The following VGLL4 variants were observed in gnomAD, a reference collection of about 807,000 sequenced individuals.
VGLL4 encodes transcription cofactor vestigial-like protein 4.
In VGLL4, 7 loss-of-function variants were observed where a neutral mutation model predicts 21.0. The ratio of observed to expected loss-of-function variants is 0.33; its 90% CI spans 0.19 to 0.63. The LOEUF (loss-of-function observed/expected upper bound fraction) is 0.63, where lower values mean the gene tolerates loss of function less well. Among genes scored for constraint, VGLL4 ranks in the 20% least tolerant of loss-of-function variants. The pLI is 0.78. For missense variants in VGLL4, 394 were observed against 425.7 expected (o/e 0.93, Z 0.66); for synonymous variants, 222 against 173.2 (o/e 1.28, Z -2.21).
At chr3:11,646,657 C>G (rs1403713467), upstream of VGLL4, among the ~76,000 whole-genome samples, 2 of 152,042 alleles carry the variant, frequency 1.3e-5, no homozygotes, top group Admixed American at 6.6e-5. Context: ...TCAAACAATA[C>G]CATTGTAGAA....
intron 1 of VGLL4, among the ~76,000 whole-genome samples, chr3:11,637,339 T>C (rs941958017): frequency 5.3e-5 from 8 of 151,764 alleles, no homozygotes; most frequent in African/African-American, 1.9e-4. Flanking sequence ...TAGTAGAGTA[T>C]AGGCATTCCA....
intron 2 of VGLL4, among the ~76,000 whole-genome samples, chr3:11,675,397 A>T (rs13076116): frequency 0.52 from 78,574 of 151,922 alleles, 21,669 homozygotes; most frequent in Non-Finnish European, 0.63. Flanking sequence ...CAGAACAGGC[A>T]TGAACTATGC....
chr3:11,662,676 C>T (rs1011939734), intron 2 of VGLL4, among the ~76,000 whole-genome samples: 3 of 152,202 alleles, frequency 2.0e-5, no homozygotes, highest in African/African-American at 4.8e-5. Context: ...GAGACAGGAA[C>T]AGAAGTCTGC....
In VGLL4 at chr3:11,557,525, C is replaced by T. The variant is rs1031890487; in HGVS notation, c.*1031G>A. The T allele has an allele frequency of 2.0e-5, 3 of 152,562 alleles. No homozygotes were observed. The highest frequency in any genetic ancestry group is 2.9e-5 in the Non-Finnish European group (2 of 68,048). 9.5% of individuals were successfully genotyped at this position (152,562 alleles called of 1,614,324 possible). A position where few individuals can be genotyped will look rare whatever the true frequency, so the allele number is the denominator to read the frequency against. On this transcript the variant is annotated 3_prime_UTR_variant, in exon 5 of 5. Coordinates refer to ENST00000430365, the MANE Select transcript of VGLL4 (RefSeq NM_001128219.3). ...ACACCGCAGCTGACCCACTGCTCAT[C>T]GCGAGGGCCTGCCAGGAGCTGGCCT...
intron 3 of VGLL4, among the ~76,000 whole-genome samples, chr3:11,563,407 G>A (rs907169601): frequency 2.6e-5 from 4 of 152,216 alleles, no homozygotes; most frequent in East Asian, 1.9e-4. Context: ...AGCAGTGAGC[G>A]GGTCCCTGTG....
At chr3:11,572,962 G>GTTTGA (rs999803095) in intron 2 of VGLL4, among the ~76,000 whole-genome samples, 6 of 152,204 alleles carry the variant, frequency 3.9e-5, no homozygotes, top group African/African-American at 1.4e-4. Flanking sequence ...GAGGTCAGGA[G>GTTTGA]TTTGAGACCG....
Position 11,565,505 on chromosome 3 carries a change from C to T in VGLL4, c.273-486G>A, listed in dbSNP as rs188297905. On this transcript the variant is annotated intron_variant, in intron 2 of 4. Coordinates refer to ENST00000430365, the MANE Select transcript of VGLL4 (RefSeq NM_001128219.3). This position sits in a 1 kb window ranked among gnomAD's most constrained non-coding sequence, Gnocchi z 4.1. ...TGCTCAGCCCGTCTTCCTAACAGCACTAAGCAGGCAATGCTGCCACCATCC... is the reference window on the plus strand; with the variant it reads ...TGCTCAGCCCGTCTTCCTAACAGCATTAAGCAGGCAATGCTGCCACCATCC... Among the ~76,000 whole-genome samples, 2 of 152,326 alleles carry T rather than the reference C, an allele frequency of 1.3e-5. No homozygotes were observed. The highest frequency in any genetic ancestry group is 1.9e-4 in the East Asian group (1 of 5,184).
chr3:11,709,440 A>C (rs1489627065), intron 1 of VGLL4, among the ~76,000 whole-genome samples: 1 of 98,988 alleles, frequency 1.0e-5, no homozygotes, highest in Non-Finnish European at 2.0e-5. Context: ...CCGTCTAAAA[A>C]AAAAAAAAAA....
chr3:11,604,124 C>G (rs1335661490), intron 1 of VGLL4, among the ~76,000 whole-genome samples: 1 of 152,216 alleles, frequency 6.6e-6, no homozygotes, highest in Non-Finnish European at 1.5e-5. Context: ...GCTGGGGCTA[C>G]AGGCCCCATG....
chr3:11,593,798 G>C (rs936696055), intron 2 of VGLL4, among the ~76,000 whole-genome samples: 7 of 152,320 alleles, frequency 4.6e-5, no homozygotes, highest in African/African-American at 1.2e-4. Context: ...TCTCACACCA[G>C]GACCGTGTTT....
intron 2 of VGLL4, among the ~76,000 whole-genome samples, chr3:11,652,505 CT>C (rs1559924956): frequency 6.6e-6 from 1 of 152,150 alleles, no homozygotes; most frequent in African/African-American, 2.4e-5. Flanking sequence ...CTGGCAACTT[CT>C]GCCCCCCGGG....
chr3:11,667,309 G>A (rs906627817), intron 2 of VGLL4, among the ~76,000 whole-genome samples: 8 of 152,212 alleles, frequency 5.3e-5, no homozygotes, highest in Non-Finnish European at 1.2e-4. Context: ...TGCAAAATAC[G>A]ATTGCTGAGC....
Position 11,559,399 on chromosome 3 carries a change from C to T in VGLL4, c.552G>A (p.Ser184=), listed in dbSNP as rs201909827. 5.9e-4 allele frequency: 923 copies of T among 1,561,232 alleles called. 2 individuals are homozygous for T. The highest frequency in any genetic ancestry group is 1.9e-3 in the African/African-American group (141 of 73,848). ...AGCCGCTGTGCGCGATGGGGCAGTG[C>T]GAGAGGTTGCAGTTGCGGGCGCCAG... ...ASAGARNCNL[S]HCPIAHSGCA... The change falls in exon 4 of 5, where the codon TCG becomes TCA. Residue 184 remains serine, a synonymous_variant. Transcript: ENST00000430365.
chr3:11,717,718 A>C (rs540559522), intron 1 of VGLL4, among the ~76,000 whole-genome samples: 19 of 152,184 alleles, frequency 1.2e-4, no homozygotes, highest in African/African-American at 4.6e-4. Flanking sequence ...TAAAGTCATA[A>C]TTTTAAATCA....
chr3:11,631,448 C>T (rs1402526537), intron 1 of VGLL4, among the ~76,000 whole-genome samples: 1 of 152,008 alleles, frequency 6.6e-6, no homozygotes, highest in Non-Finnish European at 1.5e-5. Flanking sequence ...TCCTTATCAG[C>T]AGATAAGGAC....
intron 1 of VGLL4, 31 bp from the exon 2 acceptor site, chr3:11,602,053 G>T (rs761183204): frequency 6.7e-7 from 1 of 1,489,894 alleles, no homozygotes; most frequent in African/African-American, 1.4e-5. Flanking sequence ...TAGTCACTAA[G>T]CAGGAGAAAG....
intron 2 of VGLL4, among the ~76,000 whole-genome samples, chr3:11,670,282 G>A (rs2076186933): frequency 6.6e-6 from 1 of 152,162 alleles, no homozygotes; most frequent in Non-Finnish European, 1.5e-5. Context: ...GAAAACTGAA[G>A]TCTACGTTGG....
intron 1 of VGLL4, chr3:11,611,858 G>GT (rs1158151269): frequency 6.6e-6 from 1 of 151,726 alleles, no homozygotes; most frequent in Non-Finnish European, 1.5e-5. Flanking sequence ...CTGCTTGCCT[G>GT]TAAGAGAGGA....
chr3:11,600,662 C>G (rs1368675762), intron 2 of VGLL4, among the ~76,000 whole-genome samples: 2 of 152,148 alleles, frequency 1.3e-5, no homozygotes, highest in Non-Finnish European at 2.9e-5. Flanking sequence ...TCCAAGCTGA[C>G]TGGAACGAGC....
Sources: gnomAD v4.1 joint callset for allele counts (sites outside exome capture counted in the v4.1 genomes callset) on GRCh38, gnomAD v4.1.1 for gene constraint, Gnocchi (gnomAD v3.1) non-coding constraint, MANE v1.5 for transcripts, NCBI Gene and HGNC (gene_info 2026-07-23, HGNC 2026-07-21) for gene names.